Variants in REV3L observed in about 807,000 individuals in gnomAD.
The protein encoded by REV3L is DNA polymerase zeta catalytic subunit.
Under a neutral mutation model 299.4 loss-of-function variants are expected in REV3L, and 69 were observed. That is an observed-to-expected ratio of 0.23 (90% CI 0.19 to 0.28). REV3L has a LOEUF of 0.28. Among genes scored for constraint, REV3L ranks in the 10% least tolerant of loss-of-function variants. The pLI is 1.00. For synonymous variants in REV3L, 1,238 were observed against 1,271.4 expected (o/e 0.97, Z 0.56); for missense variants, 3,128 against 3,693.8 (o/e 0.85, Z 3.97).
chr6:111,315,157 T>G, intron 27 of REV3L, 110 bp downstream of exon 27: 1 of 902,116 alleles, frequency 1.1e-6, no homozygotes, highest in Non-Finnish European at 1.7e-6. Flanking sequence ...ATTTAACACT[T>G]TAATAGACCC....
chr6:111,397,961 T>C (rs1782698659), intron 4 of REV3L, among the ~76,000 whole-genome samples: 1 of 151,272 alleles, frequency 6.6e-6, no homozygotes, highest in Non-Finnish European at 1.5e-5. Flanking sequence ...CTTTTTTGAT[T>C]TTCTGTCTAG....
chr6:111,399,419 CT>C (rs1334648084), intron 4 of REV3L, among the ~76,000 whole-genome samples: 3 of 152,142 alleles, frequency 2.0e-5, no homozygotes, highest in Admixed American at 2.0e-4. Flanking sequence ...GAAACTGACA[CT>C]GGAAGATTAC....
rs184112807 is a variant in REV3L, at chr6:111,463,467, C to T, written c.139+19283G>A. On this transcript the variant is annotated intron_variant, in intron 1 of 31. Transcript: ENST00000368802. ...GATTATGACATAATTAATTTTTGTA[C>T]TAAGAAAAGTGCTGTTAAGTAAATA... Among the ~76,000 whole-genome samples, 5 of 152,224 alleles carry T rather than the reference C, an allele frequency of 3.3e-5. No homozygotes were observed. The East Asian group carries it at 9.6e-4, about 29-fold the overall frequency.
chr6:111,300,148 C>T lies in REV3L; in HGVS notation c.9261G>A (p.Lys3087=), dbSNP rs1161629633. Reference sequence around the variant, plus strand: ...GTCGATCAAAGCAACCTGTACAGTTCTTGCATATCTGAAAGCATAAGAGAA... The same window carrying T: ...GTCGATCAAAGCAACCTGTACAGTTTTTGCATATCTGAAAGCATAAGAGAA... ...RQQEQLVKIC[K]NCTGCFDRHI... The change falls in exon 32 of 32, where the codon AAG becomes AAA. Residue 3087 remains lysine (K), a synonymous_variant. Transcript: ENST00000368802. 6.3e-7 allele frequency: 1 copy of T among 1,582,440 alleles called. No homozygotes were observed.
chr6:111,437,350 T>C (rs1787675345), intron 1 of REV3L, among the ~76,000 whole-genome samples: 3 of 152,038 alleles, frequency 2.0e-5, no homozygotes, highest in South Asian at 2.1e-4. Flanking sequence ...AGTCCATCAA[T>C]TGATGAATGG....
At chr6:111,471,964 A>T in intron 1 of REV3L, 3 of 1,024,586 alleles carry the variant, frequency 2.9e-6, no homozygotes, top group Non-Finnish European at 3.7e-6. Flanking sequence ...GCCAAGGCTC[A>T]CCCCCACCCC....
chr6:111,355,852 T>C lies in REV3L; in HGVS notation c.7184+1162A>G, dbSNP rs560681119. Among the ~76,000 whole-genome samples, 14 of 152,226 alleles carry C rather than the reference T, an allele frequency of 9.2e-5. No individual in the cohort carries two copies. In the East Asian group the frequency reaches 2.3e-3, roughly 25 times the overall value. ...ACAACCTCTGTGAGAAGATAAAAGG[T>C]AGGACTGACAATGACAAGACTCAAA... On this transcript the variant is annotated intron_variant, in intron 18 of 31. Coordinates refer to ENST00000368802, the MANE Select transcript of REV3L (RefSeq NM_001372078.1).
intron 14 of REV3L, among the ~76,000 whole-genome samples, chr6:111,365,747 G>A (rs1461464209): frequency 2.6e-5 from 4 of 152,240 alleles, no homozygotes; most frequent in African/African-American, 9.6e-5. Context: ...TACAACAAAG[G>A]GGAATATAAT....
intron 26 of REV3L, among the ~76,000 whole-genome samples, chr6:111,319,929 A>G (rs1773954148): frequency 7.4e-6 from 1 of 134,760 alleles, no homozygotes; most frequent in African/African-American, 2.8e-5. Context: ...TCCTGCGTTC[A>G]AGTGATTCTC....
At chr6:111,463,953 G>A (rs1038380338) in intron 1 of REV3L, among the ~76,000 whole-genome samples, 8 of 152,048 alleles carry the variant, frequency 5.3e-5, no homozygotes, top group Admixed American at 3.9e-4. Context: ...CATAATTGAC[G>A]CAGCATAGCT....
rs180814341 is a variant in REV3L at position 111,405,383 on chromosome 6, T to C, written c.565+87A>G. On this transcript the variant is annotated intron_variant, in intron 4 of 31. Transcript: ENST00000368802. The stretch of plus-strand genomic sequence containing the variant: ...ACTCAACATTTATTTTCTAAATATA[T>C]ATTATTTTATAAATCACTGACTATA... 56 of 740,898 alleles carry C rather than the reference T, an allele frequency of 7.6e-5. No homozygotes were observed. The Admixed American group carries it at 1.9e-3, about 25-fold the overall frequency. The allele number at this position is 740,898 out of a possible 1,614,324, so 45.9% of individuals were successfully genotyped here.
chr6:111,311,683 C>T (rs1772993628), intron 28 of REV3L: 1 of 152,660 alleles, frequency 6.6e-6, no homozygotes, highest in South Asian at 2.1e-4. Context: ...GATCACCAGG[C>T]AGTCAAATCA....
At position 111,375,544 on chromosome 6, in the gene REV3L, T is replaced by A; in HGVS notation, c.2811A>T (p.Val937=). 1 of 1,613,656 alleles carries A rather than the reference T, an allele frequency of 6.2e-7. No homozygotes were observed. The highest frequency in any genetic ancestry group is 8.5e-7 in the Non-Finnish European group (1 of 1,179,860). ...YETEDSESSF[V]THNSKISLPH... ...GTAGACTAATTTTTGAGTTGTGAGTTACAAAACTTGACTCACTGTCTTCAG... is the reference window on the plus strand; with the variant it reads ...GTAGACTAATTTTTGAGTTGTGAGTAACAAAACTTGACTCACTGTCTTCAG... The change falls in exon 13 of 32, where the codon GTA becomes GTT. Residue 937 remains valine, a synonymous_variant. Coordinates refer to ENST00000368802, the MANE Select transcript of REV3L (RefSeq NM_001372078.1).
At chr6:111,309,503 T>C (rs1772715430) in intron 30 of REV3L, 1 of 164,340 alleles carries the variant, frequency 6.1e-6, no homozygotes, top group African/African-American at 2.4e-5. Flanking sequence ...TCCACCGAAG[T>C]GTTCCTCACA....
At chr6:111,416,680 T>TA (rs750801422) in intron 1 of REV3L, among the ~76,000 whole-genome samples, 1 of 152,358 alleles carries the variant, frequency 6.6e-6, no homozygotes, top group East Asian at 1.9e-4. Context: ...AAGCATTGTA[T>TA]AACAGTATGA....
At chr6:111,352,241 C>G (rs867560353) in intron 18 of REV3L, among the ~76,000 whole-genome samples, 1 of 152,134 alleles carries the variant, frequency 6.6e-6, no homozygotes, top group Non-Finnish European at 1.5e-5. Flanking sequence ...CTACTGACTT[C>G]CAGTGATCTG....
intron 21 of REV3L, among the ~76,000 whole-genome samples, chr6:111,343,686 C>T (rs1452751761): frequency 6.6e-6 from 1 of 152,124 alleles, no homozygotes; most frequent in African/African-American, 2.4e-5. Context: ...TGCATCACCA[C>T]ACCTGGCCAA....
rs1040154169 is a variant in REV3L, at chr6:111,390,033, G to A, written c.757+53C>T. 43 of 1,245,460 alleles carry A rather than the reference G, an allele frequency of 3.5e-5. 1 individual carries two copies. Among genetic ancestry groups the A allele is most frequent in the East Asian group, 5.1e-5 (2 of 38,844 alleles). 77.2% of individuals were successfully genotyped at this position (1,245,460 alleles called of 1,614,324 possible). ...ACAGGCGTGAGCCACCACACCCGCCGGTCATTAATTTTAAAAAATAAAAAC... is the reference window on the plus strand; with the variant it reads ...ACAGGCGTGAGCCACCACACCCGCCAGTCATTAATTTTAAAAAATAAAAAC... On this transcript the variant is annotated intron_variant, in intron 6 of 31. Transcript: ENST00000368802.
chr6:111,418,249 T>C (rs1041505364), intron 1 of REV3L, among the ~76,000 whole-genome samples: 1 of 152,216 alleles, frequency 6.6e-6, no homozygotes, highest in African/African-American at 2.4e-5. Context: ...TGCCATATTT[T>C]ACAAGCAATA....
Sources: allele counts gnomAD v4.1 joint callset (sites outside exome capture counted in the v4.1 genomes callset), GRCh38; gene constraint gnomAD v4.1.1; transcripts MANE v1.5; gene names NCBI Gene and HGNC (gene_info 2026-07-23, HGNC 2026-07-21).